The following PIGL variants were observed in gnomAD, a reference collection of about 807,000 sequenced individuals.
The protein encoded by PIGL is phosphatidylinositol glycan anchor biosynthesis class L.
A neutral mutation model predicts 31.1 loss-of-function variants in PIGL; 22 were observed. The observed-to-expected ratio is 0.71, with a 90% confidence interval of 0.51 to 1.01. PIGL has a LOEUF of 1.01. Ranked by LOEUF, PIGL falls within the 50% of genes least tolerant of loss-of-function variation. The pLI, the probability that PIGL is intolerant of heterozygous loss-of-function variation, is 0.00. For missense variants in PIGL, 302 were observed against 315.9 expected, an observed-to-expected ratio of 0.96 and a Z score of 0.33; for synonymous variants, 131 against 117.4, an observed-to-expected ratio of 1.12 and a Z score of -0.75.
intron 5 of PIGL, chr17:16,317,228 A>G (rs2093081861): frequency 2.0e-6 from 2 of 1,005,280 alleles, no homozygotes; most frequent in South Asian, 8.6e-5. Context: ...AAACGTAAGT[A>G]GTTTGTGCCC....
At chr17:16,244,229 T>C (rs534246525) in intron 2 of PIGL, among the ~76,000 whole-genome samples, 1 of 152,314 alleles carries the variant, frequency 6.6e-6, no homozygotes, top group East Asian at 1.9e-4. Flanking sequence ...AAAGGCAATC[T>C]AGTCCCCAGG....
chr17:16,247,753 G>A (rs996016901), intron 2 of PIGL, among the ~76,000 whole-genome samples: 7 of 152,118 alleles, frequency 4.6e-5, no homozygotes, highest in South Asian at 4.2e-4. Flanking sequence ...GGCTTCTTTC[G>A]TCCCACCCGA....
chr17:16,232,438 T>G (rs1433367127), intron 1 of PIGL, among the ~76,000 whole-genome samples: 2 of 152,192 alleles, frequency 1.3e-5, no homozygotes, highest in African/African-American at 4.8e-5. Context: ...CAGACATGTG[T>G]TCTGTTAAGT....
At chr17:16,316,907 G>A in intron 5 of PIGL, 195 bp downstream of exon 5, 1 of 1,369,720 alleles carries the variant, frequency 7.3e-7, no homozygotes, top group Non-Finnish European at 9.5e-7. Flanking sequence ...TGCCTGCAGG[G>A]CCACCTCTGG....
chr17:16,299,858 A>C (rs1600840588), intron 2 of PIGL, 30 bp from the exon 3 acceptor site: 2 of 1,500,504 alleles, frequency 1.3e-6, no homozygotes, highest in East Asian at 4.5e-5. Flanking sequence ...TGATTAGAAA[A>C]GGTGTTCAAG....
At chr17:16,281,377 C>T (rs1339802187) in intron 2 of PIGL, among the ~76,000 whole-genome samples, 1 of 152,216 alleles carries the variant, frequency 6.6e-6, no homozygotes, top group Non-Finnish European at 1.5e-5. Flanking sequence ...AAAAGAATAT[C>T]AACGGCTTTT....
chr17:16,239,320 A>G (rs2092713191), intron 2 of PIGL, among the ~76,000 whole-genome samples: 1 of 151,684 alleles, frequency 6.6e-6, no homozygotes, highest in Admixed American at 6.6e-5. Flanking sequence ...CGTCTCTACT[A>G]AAGATACAAA....
At chr17:16,256,786 C>T (rs546731594) in intron 2 of PIGL, among the ~76,000 whole-genome samples, 1 of 152,216 alleles carries the variant, frequency 6.6e-6, no homozygotes, top group South Asian at 2.1e-4. Flanking sequence ...CCTCTGCCTC[C>T]TGGGCTCAAG....
In PIGL at chr17:16,325,952, T is replaced by G. The variant is rs866788262; in HGVS notation, c.*54T>G. 7 of 1,290,016 alleles carry G rather than the reference T, an allele frequency of 5.4e-6. No homozygotes were observed. In the African/African-American group the frequency reaches 5.8e-5, roughly 11 times the overall value. 79.9% of individuals were successfully genotyped at this position (1,290,016 alleles called of 1,614,324 possible). On this transcript the variant is annotated 3_prime_UTR_variant, in exon 7 of 7. Coordinates refer to ENST00000225609, the MANE Select transcript of PIGL (RefSeq NM_004278.4). ...ACAAAGGGGAAAATAGACAAAGGAG[T>G]GCAGAGGACCTGGCCTGGCACTGGC...
chr17:16,255,119 G>A (rs114886914), intron 2 of PIGL, among the ~76,000 whole-genome samples: 2,614 of 152,224 alleles, frequency 0.017, 67 homozygotes, highest in African/African-American at 0.059. Flanking sequence ...CGCAGAAATT[G>A]AAATTAACAA....
At chr17:16,249,701 G>A (rs917562076) in intron 2 of PIGL, among the ~76,000 whole-genome samples, 1 of 152,170 alleles carries the variant, frequency 6.6e-6, no homozygotes, top group Non-Finnish European at 1.5e-5. Context: ...CTGGAGTTCT[G>A]ATGTCCAAAG....
rs1363174601 is a variant in PIGL at position 16,325,788 on chromosome 17, T to G, written c.661-12T>G. ...CAACTGTTTCATAACTGGTTCTCTT[T>G]GATTCTTCTAGAAAGCCATGTCCTG... On this transcript the variant is annotated splice_polypyrimidine_tract_variant and intron_variant, in intron 6 of 6. Transcript: ENST00000225609. 1 of 1,606,866 alleles carries G rather than the reference T, an allele frequency of 6.2e-7. No individual in the cohort carries two copies. The highest frequency in any genetic ancestry group is 2.2e-5 in the East Asian group (1 of 44,874).
intron 2 of PIGL, among the ~76,000 whole-genome samples, chr17:16,274,245 C>A (rs184899995): frequency 6.6e-6 from 1 of 152,046 alleles, no homozygotes. Flanking sequence ...TGAAACCAGA[C>A]GTGAGAAGGT....
At chr17:16,320,955 T>TA (rs56133388) in intron 6 of PIGL, among the ~76,000 whole-genome samples, 1 of 145,556 alleles carries the variant, frequency 6.9e-6, no homozygotes, top group African/African-American at 2.6e-5. Context: ...TTTTTTTTTT[T>TA]GAGACAGAGT....
At chr17:16,263,094 G>GC (rs1491128603) in intron 2 of PIGL, among the ~76,000 whole-genome samples, 7 of 2,320 alleles carry the variant, frequency 3.0e-3, no homozygotes, top group African/African-American at 3.5e-3. Context: ...TGGTTTATTT[G>GC]GGGGGGGGGG....
chr17:16,304,369 A>C (rs942544126), intron 3 of PIGL, among the ~76,000 whole-genome samples: 4 of 152,216 alleles, frequency 2.6e-5, no homozygotes. Flanking sequence ...GCAGCCATCA[A>C]TGCAGGAAAC....
chr17:16,295,608 C>G (rs187310995), intron 2 of PIGL, among the ~76,000 whole-genome samples: 1 of 151,184 alleles, frequency 6.6e-6, no homozygotes, highest in East Asian at 2.0e-4. Flanking sequence ...ATTGTACCAC[C>G]GCATTCCAGC....
chr17:16,264,294 C>G (rs906061499), intron 2 of PIGL, among the ~76,000 whole-genome samples: 7 of 151,834 alleles, frequency 4.6e-5, no homozygotes, highest in African/African-American at 1.7e-4. Flanking sequence ...AGGCATGAGT[C>G]TCTGGGTATG....
intron 4 of PIGL, 100 bp from the exon 5 acceptor site, chr17:16,316,581 G>A (rs2093078019): frequency 1.7e-6 from 2 of 1,162,788 alleles, no homozygotes; most frequent in East Asian, 4.8e-5. Flanking sequence ...TCACATGGAG[G>A]GGACCATGGG....
Sources: allele counts gnomAD v4.1 joint callset (sites outside exome capture counted in the v4.1 genomes callset), GRCh38; gene constraint gnomAD v4.1.1; transcripts MANE v1.5; gene names NCBI Gene and HGNC (gene_info 2026-07-23, HGNC 2026-07-21).